Variants in NRXN3 observed in about 807,000 individuals in gnomAD.
The protein encoded by NRXN3 is neurexin III.
NRXN3 carries 32 observed loss-of-function variants against 137.6 expected under a neutral mutation model. The observed-to-expected ratio is 0.23, with a 90% confidence interval of 0.18 to 0.31. The LOEUF (loss-of-function observed/expected upper bound fraction) is 0.31, where lower values mean the gene tolerates loss of function less well. Ranked by LOEUF, NRXN3 falls within the 10% of genes least tolerant of loss-of-function variation. NRXN3 has a pLI of 1.00. For synonymous variants in NRXN3, 798 were observed against 784.5 expected, an observed-to-expected ratio of 1.02 and a Z score of -0.29; for missense variants, 1,574 against 2,062.5, an observed-to-expected ratio of 0.76 and a Z score of 4.59.
intron 7 of NRXN3, among the ~76,000 whole-genome samples, chr14:78,713,142 C>T (rs975641507): frequency 5.9e-5 from 9 of 152,178 alleles, no homozygotes; most frequent in African/African-American, 1.9e-4. Flanking sequence ...AGGGATTGGC[C>T]TAGGGTCATA....
intron 8 of NRXN3, among the ~76,000 whole-genome samples, chr14:78,746,239 A>C (rs2098606525): frequency 6.6e-6 from 1 of 152,160 alleles, no homozygotes; most frequent in Non-Finnish European, 1.5e-5. Context: ...CACATTTATG[A>C]AGGTTGATTT....
intron 19 of NRXN3, among the ~76,000 whole-genome samples, chr14:79,727,845 A>T (rs983799094): frequency 3.9e-5 from 6 of 152,164 alleles, no homozygotes; most frequent in African/African-American, 4.8e-5. Flanking sequence ...AGAAGGAAAT[A>T]CCAGGTTACG....
chr14:78,215,215 CT>C (rs1566985098), intron 1 of NRXN3, among the ~76,000 whole-genome samples: 1 of 152,196 alleles, frequency 6.6e-6, no homozygotes, highest in Non-Finnish European at 1.5e-5. Flanking sequence ...CCCTCTCCCC[CT>C]GACCCTGTAG....
chr14:79,517,220 C>T (rs2096999870), intron 16 of NRXN3, among the ~76,000 whole-genome samples: 1 of 150,818 alleles, frequency 6.6e-6, no homozygotes, highest in African/African-American at 2.4e-5. Flanking sequence ...TTTTCTTTTT[C>T]TTATGATGAG....
intron 4 of NRXN3, among the ~76,000 whole-genome samples, chr14:78,379,797 A>G (rs1567419021): frequency 6.6e-6 from 1 of 152,240 alleles, no homozygotes; most frequent in African/African-American, 2.4e-5. Context: ...TAAGTTGGAA[A>G]GGAAGAAATA....
Position 79,692,180 on chromosome 14 carries a change from T to C in NRXN3, c.3624T>C (p.Thr1208=), listed in dbSNP as rs780066493. ...PVNEHYPTGN[T]DNERFQMVKQ... The stretch of plus-strand genomic sequence containing the variant: ...GTTTTTTAAACTTTAAAGGCAACAC[T>C]GATAATGAACGCTTCCAAATGGTAA... Residue 1208 remains threonine (T), a synonymous_variant, in exon 18 of 21, where the codon ACT becomes ACC. Transcript: ENST00000335750. The C allele has an allele frequency of 1.2e-6, 2 of 1,606,854 alleles. No homozygotes were observed. Among genetic ancestry groups the C allele is most frequent in the Non-Finnish European group, 1.7e-6 (2 of 1,176,894 alleles).
intron 16 of NRXN3, among the ~76,000 whole-genome samples, chr14:79,545,578 C>G (rs1195586241): frequency 6.6e-6 from 1 of 152,010 alleles, no homozygotes; most frequent in Non-Finnish European, 1.5e-5. Context: ...GTACCATATT[C>G]ACATGCTTCA....
chr14:79,777,912 G>A (rs941022409), intron 19 of NRXN3, among the ~76,000 whole-genome samples: 1 of 151,152 alleles, frequency 6.6e-6, no homozygotes, highest in Non-Finnish European at 1.5e-5. Flanking sequence ...ATTTACTATA[G>A]CTACCTCAAG....
At chr14:79,689,241 TA>T (rs2098707059) in intron 17 of NRXN3, among the ~76,000 whole-genome samples, 1 of 152,152 alleles carries the variant, frequency 6.6e-6, no homozygotes, top group African/African-American at 2.4e-5. Flanking sequence ...ATTAAAGATT[TA>T]GCAAGAATGT....
chr14:78,510,956 G>T (rs1599678056), intron 4 of NRXN3, among the ~76,000 whole-genome samples: 1 of 152,148 alleles, frequency 6.6e-6, no homozygotes, highest in Non-Finnish European at 1.5e-5. Context: ...TTTATGACTT[G>T]CATGGCTTAG....
rs984242154 is a variant in NRXN3 at position 78,812,153 on chromosome 14, A to C, written c.2275+1809A>C. Among the ~76,000 whole-genome samples the C allele has an allele frequency of 5.9e-5, 9 of 152,114 alleles. No homozygotes were observed. In the South Asian group the frequency reaches 8.3e-4, roughly 14 times the overall value. ...ATTTTAGAACATTTCCATCATCCCC[A>C]AGATTTCTTTTCTGGTCATTTGTAG... On this transcript the variant is annotated intron_variant, in intron 10 of 20. Transcript: ENST00000335750.
intron 15 of NRXN3, among the ~76,000 whole-genome samples, chr14:79,323,989 T>C (rs2090483409): frequency 6.6e-6 from 1 of 152,260 alleles, no homozygotes; most frequent in Non-Finnish European, 1.5e-5. Flanking sequence ...TTATTTCTAT[T>C]GCTGGTCAAT....
chr14:79,145,797 A>G (rs985935777), intron 15 of NRXN3, among the ~76,000 whole-genome samples: 2 of 152,224 alleles, frequency 1.3e-5, no homozygotes, highest in African/African-American at 4.8e-5. Context: ...CATGAGTATC[A>G]TTCTGTTGTA....
At chr14:78,441,092 A>G (rs1410230946) in intron 4 of NRXN3, among the ~76,000 whole-genome samples, 1 of 152,022 alleles carries the variant, frequency 6.6e-6, no homozygotes, top group African/African-American at 2.4e-5. Context: ...TCAGGGGCAG[A>G]ATTACCCAGG....
At chr14:79,114,752 T>TG (rs2152898403) in intron 15 of NRXN3, among the ~76,000 whole-genome samples, 1 of 152,200 alleles carries the variant, frequency 6.6e-6, no homozygotes, top group Non-Finnish European at 1.5e-5. Context: ...GGAATCAAAC[T>TG]CCTGGGCTCA....
chr14:79,158,165 C>G (rs2060427491), intron 15 of NRXN3, among the ~76,000 whole-genome samples: 1 of 151,796 alleles, frequency 6.6e-6, no homozygotes, highest in South Asian at 2.1e-4. Context: ...GTGACTTCCC[C>G]CTGTGTATAC....
intron 15 of NRXN3, among the ~76,000 whole-genome samples, chr14:79,211,659 G>A (rs1271691217): frequency 1.3e-5 from 2 of 152,120 alleles, no homozygotes; most frequent in African/African-American, 4.8e-5. Flanking sequence ...TAATTGTTAT[G>A]TCATGTCATC....
intron 15 of NRXN3, among the ~76,000 whole-genome samples, chr14:79,204,935 G>A (rs1275259283): frequency 6.6e-6 from 1 of 152,086 alleles, no homozygotes; most frequent in African/African-American, 2.4e-5. Flanking sequence ...CTTCCTTCTG[G>A]CAATCCTTTG....
intron 4 of NRXN3, among the ~76,000 whole-genome samples, chr14:78,407,076 G>T (rs1211122739): frequency 6.6e-6 from 1 of 152,150 alleles, no homozygotes; most frequent in Non-Finnish European, 1.5e-5. Flanking sequence ...TATGACATTT[G>T]TTGTTTCACT....
Sources: gnomAD v4.1 joint callset for allele counts (sites outside exome capture counted in the v4.1 genomes callset) on GRCh38, gnomAD v4.1.1 for gene constraint, MANE v1.5 for transcripts, NCBI Gene and HGNC (gene_info 2026-07-23, HGNC 2026-07-21) for gene names.